The following PAGE1 variants were observed in gnomAD, a reference collection of about 807,000 sequenced individuals.
PAGE1 encodes P antigen family member 1.
A neutral mutation model predicts 11.5 loss-of-function variants in PAGE1; 6 were observed. That is an observed-to-expected ratio of 0.52 (90% confidence interval 0.29 to 1.03). The LOEUF (loss-of-function observed/expected upper bound fraction) is 1.03. Among genes scored for constraint, PAGE1 ranks in the 50% least tolerant of loss-of-function variants. The probability of loss-of-function intolerance (pLI) is 0.09; values close to 1 mark genes in which losing one functional copy is unlikely to be tolerated. For synonymous variants in PAGE1, 42 were observed against 40.2 expected (o/e 1.05, Z -0.17); for missense variants, 120 against 110.2 (o/e 1.09, Z -0.40).
rs2066896860 is a variant in PAGE1 at position 49,689,557 on chromosome X, A to ATATATATATATATATATATAT, written c.293-15_293-14insATATATATATATATATATATA. ...CAGGCTCTGGCCCTTAAAAAAAAAA[A>ATATATATATATATATATATAT]AAAAAAAAAAAAAAAAAAATATATA... is the stretch of plus-strand genomic sequence containing the variant. On this transcript the variant is annotated splice_polypyrimidine_tract_variant and intron_variant, in intron 4 of 5. Transcript: ENST00000376150. 1 of 175,630 alleles carries ATATATATATATATATATATAT rather than the reference A, an allele frequency of 5.7e-6. No homozygotes were observed. Among genetic ancestry groups the ATATATATATATATATATATAT allele is most frequent in the African/African-American group, 1.2e-4 (1 of 8,329 alleles). The allele number at this position is 175,630 out of a possible 1,213,427, so 14.5% of individuals were successfully genotyped here. A position where few individuals can be genotyped will look rare whatever the true frequency, so the allele number is the denominator to read the frequency against.
chrX:49,694,070 A>G (rs782078965), intron 3 of PAGE1, 29 bp downstream of exon 3: 5 of 865,705 alleles, frequency 5.8e-6, no homozygotes, highest in African/African-American at 2.0e-5. Flanking sequence ...ACACACCCCA[A>G]CAGGCATTCT....
intron 3 of PAGE1, among the ~76,000 whole-genome samples, chrX:49,692,927 C>A (rs1557142390): frequency 9.0e-6 from 1 of 111,145 alleles, no homozygotes; most frequent in Non-Finnish European, 1.9e-5. Context: ...AGTTTGAGAC[C>A]TTTCTACTAA....
intron 3 of PAGE1, 35 bp from the exon 4 acceptor site, chrX:49,691,409 C>G: frequency 4.4e-6 from 5 of 1,132,637 alleles, no homozygotes; most frequent in Non-Finnish European, 6.0e-6. Context: ...TTTTAAGCAG[C>G]AACACATGAA....
chrX:49,689,455 G>T lies in PAGE1; in HGVS notation c.381C>A (p.Gly127=), dbSNP rs147587740. The change falls in exon 5 of 6, where the codon GGC becomes GGA. Residue 127 remains glycine (G), a synonymous_variant. Transcript: ENST00000376150. ...TTTTCACCTCCTCTGGATTTGGCAG[G>T]CCCAACTCCTGGACATCAGGACCAT... ...RGDGPDVQEL[G]LPNPEEVKTP... 74 of 1,084,827 alleles carry T rather than the reference G, an allele frequency of 6.8e-5. No homozygotes were observed. The African/African-American group carries it at 1.5e-3, about 22-fold the overall frequency. 89.4% of individuals were successfully genotyped at this position (1,084,827 alleles called of 1,213,427 possible).
At chrX:49,695,109 G>T (rs1309113511) in intron 1 of PAGE1, among the ~76,000 whole-genome samples, 1 of 112,893 alleles carries the variant, frequency 8.9e-6, no homozygotes, top group Non-Finnish European at 1.9e-5. Flanking sequence ...CCGCTCACGC[G>T]ATCCTCCTGC....
Position 49,694,114 on chromosome X carries a change from C to T in PAGE1, c.151G>A (p.Ala51Thr), listed in dbSNP as rs781896419. Residue 51 changes from alanine (A) to threonine (T), a missense_variant, in exon 3 of 6, where the codon GCA (alanine) becomes ACA (threonine). By Grantham distance (58) the Ala-to-Thr change is moderately conservative. Coordinates refer to ENST00000376150, the MANE Select transcript of PAGE1 (RefSeq NM_003785.4). ...TPAEEREDEGASAAQGQEPEA... is the reference protein window; with the variant it reads ...TPAEEREDEGTSAAQGQEPEA... Reference sequence around the variant, plus strand: ...TTCCCTTCACCTTGAGCTGCAGATGCTCCCTCATCCTCTCTCTCTTCAGCA... The same window carrying T: ...TTCCCTTCACCTTGAGCTGCAGATGTTCCCTCATCCTCTCTCTCTTCAGCA... 1.7e-6 allele frequency: 2 copies of T among 1,189,552 alleles called. No homozygotes were observed. The highest frequency in any genetic ancestry group is 2.3e-6 in the Non-Finnish European group (2 of 879,720).
intron 5 of PAGE1, among the ~76,000 whole-genome samples, chrX:49,688,019 G>A (rs1392982045): frequency 8.9e-6 from 1 of 112,766 alleles, no homozygotes; most frequent in East Asian, 2.8e-4. Flanking sequence ...TGACAGTGGG[G>A]CAGGGAGTGT....
intron 2 of PAGE1, among the ~76,000 whole-genome samples, chrX:49,694,460 T>C (rs2066933331): frequency 9.0e-6 from 1 of 111,153 alleles, no homozygotes; most frequent in Non-Finnish European, 1.9e-5. Flanking sequence ...GTATAATCTA[T>C]GTGTCATTCA....
At position 49,691,266 on chromosome X, in the gene PAGE1, A is replaced by G. The variant is rs781827176; in HGVS notation, c.275T>C (p.Met92Thr). ...KRVCLRNEEQ[M>T]KLPAEGPEPE... ...CTACCTACCTTCTGCGGGCAGTTTC[A>G]TCTGCTCTTCATTTCGCAGGCACAC... The change falls in exon 4 of 6, where the codon ATG becomes ACG. Residue 92 changes from methionine to threonine, a missense_variant. Coordinates refer to ENST00000376150, the MANE Select transcript of PAGE1 (RefSeq NM_003785.4). 3 of 1,209,036 alleles carry G rather than the reference A, an allele frequency of 2.5e-6. No individual in the cohort carries two copies. Among genetic ancestry groups the G allele is most frequent in the Non-Finnish European group, 3.4e-6 (3 of 894,590 alleles).
At chrX:49,688,852 A>G (rs1557141334) in intron 5 of PAGE1, among the ~76,000 whole-genome samples, 1 of 111,994 alleles carries the variant, frequency 8.9e-6, no homozygotes, top group Non-Finnish European at 1.9e-5. Flanking sequence ...CCTTTACAAA[A>G]GCATCTGAAA....
Position 49,694,584 on chromosome X carries a change from T to C in PAGE1, c.63+124A>G, listed in dbSNP as rs987130355. 4 of 413,432 alleles carry C rather than the reference T, an allele frequency of 9.7e-6. No individual in the cohort carries two copies. The South Asian group carries it at 2.1e-4, about 21-fold the overall frequency. The allele number at this position is 413,432 out of a possible 1,213,427, so 34.1% of individuals were successfully genotyped here. A position where few individuals can be genotyped will look rare whatever the true frequency, so the allele number is the denominator to read the frequency against. ...AGATACCAGAATCTTATTTTTTTAA[T>C]CAGCATGAACTACCTTTATTAGTGT... On this transcript the variant is annotated intron_variant, in intron 2 of 5. Transcript: ENST00000376150.
intron 3 of PAGE1, among the ~76,000 whole-genome samples, chrX:49,691,910 G>A (rs993374951): frequency 1.5e-4 from 17 of 111,943 alleles, no homozygotes; most frequent in African/African-American, 5.5e-4. Flanking sequence ...ACCGAGGTGG[G>A]CGGATCATCT....
chrX:49,693,152 G>A (rs1281643446), intron 3 of PAGE1, among the ~76,000 whole-genome samples: 3 of 111,747 alleles, frequency 2.7e-5, no homozygotes, highest in African/African-American at 3.3e-5. Flanking sequence ...GTCTACTGGG[G>A]TAAACAGAAA....
chrX:49,694,170 T>C lies in PAGE1; in HGVS notation c.95A>G (p.Glu32Gly). Reference sequence around the variant, plus strand: ...AGAATCCTGACTTTGAGTTGGTGATTCCACTTCGTCAGGTTGCTCATCACT... The same window carrying C: ...AGAATCCTGACTTTGAGTTGGTGATCCCACTTCGTCAGGTTGCTCATCACT... ...ESSDEQPDEV[E>G]SPTQSQDSTP... is the part of the protein sequence containing the mutation. Residue 32 changes from glutamate to glycine, a missense_variant, in exon 3 of 6, where the codon GAA (glutamate) becomes GGA (glycine). By Grantham distance (98) the Glu-to-Gly change is moderately conservative. Coordinates refer to ENST00000376150, the MANE Select transcript of PAGE1 (RefSeq NM_003785.4). 1 of 1,184,780 alleles carries C rather than the reference T, an allele frequency of 8.4e-7. No homozygotes were observed. The highest frequency in any genetic ancestry group is 1.1e-6 in the Non-Finnish European group (1 of 879,124).
At chrX:49,694,581 T>C (rs189036534) in intron 2 of PAGE1, 127 bp downstream of exon 2, 6,893 of 413,922 alleles carry the variant, frequency 0.017, 85 homozygotes, top group Middle Eastern at 0.022. Context: ...CTTATTTTTT[T>C]AATCAGCATG....
intron 5 of PAGE1, among the ~76,000 whole-genome samples, chrX:49,688,614 A>G (rs1285072477): frequency 4.5e-5 from 5 of 111,825 alleles, no homozygotes; most frequent in Admixed American, 2.9e-4. Context: ...TATGCATTCT[A>G]TGCAACAGGA....
chrX:49,694,335 C>T lies in PAGE1; in HGVS notation c.64-134G>A, dbSNP rs2066932916. On this transcript the variant is annotated intron_variant, in intron 2 of 5. Transcript: ENST00000376150. ...ATCATAACTAAACCTAAAAATATTT[C>T]TCCAACTTTATTCTATATGGTTAAT... is the stretch of plus-strand genomic sequence containing the variant. 1.2e-5 allele frequency: 5 copies of T among 434,473 alleles called. No individual in the cohort carries two copies. In the Admixed American group the frequency reaches 2.0e-4, roughly 18 times the overall value. 35.8% of individuals were successfully genotyped at this position (434,473 alleles called of 1,213,427 possible).
chrX:49,687,491 GT>G lies in PAGE1; in HGVS notation c.*49del. 1 of 1,155,533 alleles carries G rather than the reference GT, an allele frequency of 8.7e-7. No homozygotes were observed. The highest frequency in any genetic ancestry group is 1.2e-6 in the Non-Finnish European group (1 of 845,277). ...AAGCTTTATTGGGAGAATTTTAATG[GT>G]CAAATTTCCAACACAGGAGCAGCCT... On this transcript the variant is annotated 3_prime_UTR_variant, in exon 6 of 6. Transcript: ENST00000376150.
At chrX:49,691,676 G>GAC (rs2066920989) in intron 3 of PAGE1, among the ~76,000 whole-genome samples, 1 of 111,673 alleles carries the variant, frequency 9.0e-6, no homozygotes, top group Non-Finnish European at 1.9e-5. Flanking sequence ...ACTCAAGGCT[G>GAC]ACATCCTGTC....
Sources: allele counts gnomAD v4.1 joint callset (sites outside exome capture counted in the v4.1 genomes callset), GRCh38; gene constraint gnomAD v4.1.1; transcripts MANE v1.5; gene names NCBI Gene and HGNC (gene_info 2026-07-23, HGNC 2026-07-21).